PGBD5: variants seen among roughly 807,000 people sequenced by gnomAD.
The protein encoded by PGBD5 is piggyBac transposable element-derived protein 5.
Under a neutral mutation model 47.9 loss-of-function variants are expected in PGBD5, and 14 were observed. That is an observed-to-expected ratio of 0.29 (90% CI 0.19 to 0.46). PGBD5 has a LOEUF of 0.46. Ranked by LOEUF, PGBD5 falls within the 20% of genes least tolerant of loss-of-function variation. The pLI, the probability that PGBD5 is intolerant of heterozygous loss-of-function variation, is 1.00. For synonymous variants in PGBD5, 316 were observed against 306.3 expected, an observed-to-expected ratio of 1.03 and a Z score of -0.33; for missense variants, 635 against 716.0, an observed-to-expected ratio of 0.89 and a Z score of 1.29.
At chr1:230,394,912 CTCACT>C in intron 1 of PGBD5, among the ~76,000 whole-genome samples, 1 of 133,524 alleles carries the variant, frequency 7.5e-6, no homozygotes. Flanking sequence ...GAGCTCCTCT[CTCACT>C]CCTACCCTCC....
chr1:230,332,789 C>T (rs1385933605), intron 5 of PGBD5, 55 bp downstream of exon 5: 12 of 1,602,964 alleles, frequency 7.5e-6, no homozygotes, highest in Admixed American at 5.0e-5. Context: ...TGGGCTCGGC[C>T]AAGCTCAACC....
chr1:230,413,265 G>A (rs149355535), intron 1 of PGBD5, among the ~76,000 whole-genome samples: 5 of 152,208 alleles, frequency 3.3e-5, no homozygotes, highest in Admixed American at 6.5e-5. Context: ...ACTCCCACCC[G>A]GAACCAGACT....
intron 1 of PGBD5, among the ~76,000 whole-genome samples, chr1:230,404,624 A>G (rs1558213138): frequency 7.3e-6 from 1 of 136,566 alleles, no homozygotes; most frequent in East Asian, 2.2e-4. Context: ...AAAAAAAAAA[A>G]AAAAAATATA....
At chr1:230,362,797 G>A (rs1667768518) in intron 1 of PGBD5, among the ~76,000 whole-genome samples, 1 of 152,170 alleles carries the variant, frequency 6.6e-6, no homozygotes, top group Admixed American at 6.5e-5. Flanking sequence ...CCCACCCAAG[G>A]GGAGGAGCAT....
In PGBD5 at chr1:230,339,562, G is replaced by A. The variant is rs530193526; in HGVS notation, c.895-2274C>T. 1.8e-4 allele frequency among the ~76,000 whole-genome samples: 27 copies of A among 152,274 alleles called. No homozygotes were observed. In the South Asian group the frequency reaches 3.1e-3, roughly 18 times the overall value. ...CTCTAAGAGATACCTGCACTCCCACGTTCACTGCTGCATTATTCACAATCG... is the reference window on the plus strand; with the variant it reads ...CTCTAAGAGATACCTGCACTCCCACATTCACTGCTGCATTATTCACAATCG... On this transcript the variant is annotated intron_variant, in intron 3 of 6. Coordinates refer to ENST00000391860, the MANE Select transcript of PGBD5 (RefSeq NM_001258311.2).
chr1:230,385,846 A>G (rs543395900), intron 1 of PGBD5, among the ~76,000 whole-genome samples: 18 of 152,180 alleles, frequency 1.2e-4, no homozygotes, highest in African/African-American at 4.1e-4. Context: ...TGGCTACTCT[A>G]AGAGTGTTCC....
At chr1:230,408,175 A>G (rs1169151998) in intron 1 of PGBD5, among the ~76,000 whole-genome samples, 3 of 152,224 alleles carry the variant, frequency 2.0e-5, no homozygotes, top group Non-Finnish European at 4.4e-5. Context: ...AGAGGTTATT[A>G]TATCTATACT....
chr1:230,324,591 G>T (rs12037880), intron 6 of PGBD5, among the ~76,000 whole-genome samples: 62 of 152,234 alleles, frequency 4.1e-4, no homozygotes, highest in East Asian at 1.5e-3. Flanking sequence ...CTCAAAGAAG[G>T]TTCAGTCAAT....
intron 1 of PGBD5, among the ~76,000 whole-genome samples, chr1:230,419,961 A>G (rs1657613068): frequency 6.6e-6 from 1 of 152,152 alleles, no homozygotes; most frequent in African/African-American, 2.4e-5. Context: ...CCCCATCCCT[A>G]CTAAAAATAC....
At chr1:230,399,531 C>T (rs1657082720) in intron 1 of PGBD5, among the ~76,000 whole-genome samples, 1 of 152,186 alleles carries the variant, frequency 6.6e-6, no homozygotes, top group South Asian at 2.1e-4. Context: ...CAGGAGAAGG[C>T]AGGTACATGC....
intron 5 of PGBD5, among the ~76,000 whole-genome samples, chr1:230,326,189 G>A (rs569198776): frequency 4.6e-5 from 7 of 152,116 alleles, no homozygotes; most frequent in South Asian, 2.1e-4. Flanking sequence ...AGGCCAAGGC[G>A]GGGGGATCAC....
chr1:230,362,984 G>T (rs1200053056), intron 1 of PGBD5, among the ~76,000 whole-genome samples: 1 of 152,162 alleles, frequency 6.6e-6, no homozygotes. Context: ...CCCTGAGGAT[G>T]CCCACGCCAT....
Position 230,337,218 on chromosome 1 carries a change from T to C in PGBD5, c.965A>G (p.His322Arg), listed in dbSNP as rs369818145. The C allele has an allele frequency of 2.5e-6, 4 of 1,614,194 alleles. No individual in the cohort carries two copies. Among genetic ancestry groups the C allele is most frequent in the African/African-American group, 1.3e-5 (1 of 75,070 alleles). Residue 322 changes from histidine (H) to arginine (R), a missense_variant, in exon 4 of 7, where the codon CAC (histidine) becomes CGC (arginine). Physicochemically the swap from His to Arg is conservative, Grantham distance 29. Transcript: ENST00000391860. ...LDALKNKPQL[H>R]SMVARSLCRN... is the part of the protein sequence containing the mutation. ...GCACAGGCTCCTGGCCACCATGCTG[T>C]GGAGCTGGGGCTTATTCTTCAGCGC... is the stretch of plus-strand genomic sequence containing the variant.
chr1:230,401,495 C>T (rs1571860543), intron 1 of PGBD5, among the ~76,000 whole-genome samples: 2 of 152,226 alleles, frequency 1.3e-5, no homozygotes, highest in Admixed American at 6.5e-5. Context: ...AGGAAAGATC[C>T]GAGAAACGAC....
intron 1 of PGBD5, among the ~76,000 whole-genome samples, chr1:230,374,117 A>C (rs1220686173): frequency 6.6e-6 from 1 of 152,214 alleles, no homozygotes; most frequent in Non-Finnish European, 1.5e-5. Flanking sequence ...AGGAATATTT[A>C]AGAATATAAA....
intron 5 of PGBD5, among the ~76,000 whole-genome samples, chr1:230,332,040 A>ACCAAAAATACATATCACATACACACTC (rs371339111): frequency 5.7e-4 from 2 of 3,514 alleles, no homozygotes; most frequent in African/African-American, 1.1e-3. Flanking sequence ...CACACACCAC[A>ACCAAAAATACATATCACATACACACTC]CACAGCACAC....
intron 1 of PGBD5, among the ~76,000 whole-genome samples, chr1:230,398,408 T>C (rs1657053088): frequency 6.6e-6 from 1 of 152,114 alleles, no homozygotes. Flanking sequence ...TCCTCTCTTC[T>C]TACTGGGACA....
At chr1:230,394,932 C>G (rs1300085335) in intron 1 of PGBD5, among the ~76,000 whole-genome samples, 1 of 141,660 alleles carries the variant, frequency 7.1e-6, no homozygotes, top group Non-Finnish European at 1.5e-5. Flanking sequence ...CCCTCCTCTC[C>G]TCCACTCACG....
chr1:230,351,061 G>C lies in PGBD5; in HGVS notation c.791C>G (p.Pro264Arg). The change falls in exon 3 of 7, where the codon CCT becomes CGT. Residue 264 changes from proline (P) to arginine (R), a missense_variant. Transcript: ENST00000391860. ...CTCTGTGCACGTGGCAATGAATACA[G>C]GATCCTCATCGATCAGGGGTTCATG... ...VLHEPLIDED[P>R]VFIATCTERE... 6.2e-7 allele frequency: 1 copy of C among 1,613,826 alleles called. No homozygotes were observed. Among genetic ancestry groups the C allele is most frequent in the Non-Finnish European group, 8.5e-7 (1 of 1,179,902 alleles).
Sources: allele counts gnomAD v4.1 joint callset (sites outside exome capture counted in the v4.1 genomes callset), GRCh38; gene constraint gnomAD v4.1.1; transcripts MANE v1.5; gene names NCBI Gene and HGNC (gene_info 2026-07-23, HGNC 2026-07-21).